Variants in PARD3B observed in about 807,000 individuals in gnomAD.
The protein encoded by PARD3B is partitioning defective 3 homolog B.
Under a neutral mutation model 130.2 loss-of-function variants are expected in PARD3B, and 103 were observed. That is an observed-to-expected ratio of 0.79 (90% CI 0.67 to 0.93). PARD3B has a LOEUF of 0.93. Among genes scored for constraint, PARD3B ranks in the 40% least tolerant of loss-of-function variants. The pLI, the probability that PARD3B is intolerant of heterozygous loss-of-function variation, is 0.00. For synonymous variants in PARD3B, 583 were observed against 553.2 expected (o/e 1.05, Z -0.76); for missense variants, 1,609 against 1,499.2 (o/e 1.07, Z -1.21).
intron 11 of PARD3B, among the ~76,000 whole-genome samples, chr2:205,162,583 C>A (rs1188884109): frequency 6.6e-6 from 1 of 152,238 alleles, no homozygotes. Flanking sequence ...ATACTAAATA[C>A]AAGCATATAT....
intron 10 of PARD3B, among the ~76,000 whole-genome samples, chr2:205,156,218 C>T (rs566114698): frequency 8.1e-4 from 104 of 129,160 alleles, no homozygotes; most frequent in African/African-American, 3.0e-3. Flanking sequence ...ACAATGAGAA[C>T]ACATGGACAC....
chr2:205,217,765 G>T (rs7561723), intron 15 of PARD3B, among the ~76,000 whole-genome samples: 122,202 of 147,512 alleles, frequency 0.83, 51,161 homozygotes, highest in East Asian at 0.95. Flanking sequence ...TATGTGTGTA[G>T]ATAAGTATAT....
intron 1 of PARD3B, among the ~76,000 whole-genome samples, chr2:204,654,930 G>T (rs2035594362): frequency 6.6e-6 from 1 of 152,076 alleles, no homozygotes; most frequent in African/African-American, 2.4e-5. Flanking sequence ...TTGAGAGCAG[G>T]ACTCTTTGAG....
chr2:204,568,685 T>G (rs987448172), intron 1 of PARD3B, among the ~76,000 whole-genome samples: 1 of 152,220 alleles, frequency 6.6e-6, no homozygotes, highest in Non-Finnish European at 1.5e-5. Context: ...CTGGTTTCGG[T>G]GGCTGACACC....
chr2:205,564,031 T>A lies in PARD3B; in HGVS notation c.3260+10628T>A, dbSNP rs2053234526. On this transcript the variant is annotated intron_variant, in intron 22 of 22. Coordinates refer to ENST00000406610, the MANE Select transcript of PARD3B (RefSeq NM_001302769.2). This position sits in a 1 kb window ranked among gnomAD's most constrained non-coding sequence, Gnocchi z 4.6. ...TCACCTCATTTATTTCCTGTAACAA[T>A]CCTGATATAAATATTATCATCCCTA... is the stretch of plus-strand genomic sequence containing the variant. Among the ~76,000 whole-genome samples the A allele has an allele frequency of 6.6e-6, 1 of 152,216 alleles. No homozygotes were observed. Among genetic ancestry groups the A allele is most frequent in the South Asian group, 2.1e-4 (1 of 4,826 alleles).
In PARD3B at chr2:205,159,814, C is replaced by T. The variant is rs543563086; in HGVS notation, c.1620+907C>T. Among the ~76,000 whole-genome samples the T allele has an allele frequency of 2.0e-5, 3 of 152,294 alleles. No individual in the cohort carries two copies. In the East Asian group the frequency reaches 5.8e-4, roughly 29 times the overall value. ...GGTAAGCTGCTCAGCCTTGACATGC[C>T]TCAGTTTCCTCATTTGTGAAATTAG... On this transcript the variant is annotated intron_variant, in intron 11 of 22. Transcript: ENST00000406610.
At chr2:204,855,343 G>C (rs1459186743) in intron 2 of PARD3B, among the ~76,000 whole-genome samples, 1 of 151,972 alleles carries the variant, frequency 6.6e-6, no homozygotes, top group Non-Finnish European at 1.5e-5. Context: ...AAGAGATTGA[G>C]ACCATCCTGG....
chr2:204,965,747 A>C (rs1027111735), intron 3 of PARD3B, among the ~76,000 whole-genome samples: 6 of 152,064 alleles, frequency 3.9e-5, no homozygotes, highest in Non-Finnish European at 5.9e-5. Flanking sequence ...AATCTGGGGG[A>C]AATGTTTTGA....
intron 22 of PARD3B, among the ~76,000 whole-genome samples, chr2:205,555,512 G>A (rs762433174): frequency 5.9e-5 from 9 of 152,196 alleles, no homozygotes; most frequent in Non-Finnish European, 1.2e-4. Context: ...CTCTAAACAA[G>A]TATATTTTAG....
chr2:204,945,277 G>A (rs1689224349), intron 2 of PARD3B, among the ~76,000 whole-genome samples: 1 of 152,128 alleles, frequency 6.6e-6, no homozygotes. Flanking sequence ...GGAGGGTGAT[G>A]GACTAGAAAA....
chr2:204,624,035 A>G (rs1235854262), intron 1 of PARD3B, among the ~76,000 whole-genome samples: 1 of 152,148 alleles, frequency 6.6e-6, no homozygotes, highest in Non-Finnish European at 1.5e-5. Flanking sequence ...TTCTTTATTC[A>G]TTCATCTGTT....
At chr2:205,255,699 A>G (rs1392381730) in intron 16 of PARD3B, among the ~76,000 whole-genome samples, 1 of 152,168 alleles carries the variant, frequency 6.6e-6, no homozygotes, top group East Asian at 1.9e-4. Flanking sequence ...CATTTATTAT[A>G]AAGAACATTG....
At chr2:204,629,613 G>A (rs1452924951) in intron 1 of PARD3B, among the ~76,000 whole-genome samples, 1 of 151,806 alleles carries the variant, frequency 6.6e-6, no homozygotes, top group Non-Finnish European at 1.5e-5. Context: ...TACAGCTATA[G>A]TAACCATAGT....
chr2:205,480,151 C>T (rs1004907530), intron 20 of PARD3B, among the ~76,000 whole-genome samples: 5 of 152,082 alleles, frequency 3.3e-5, no homozygotes, highest in Non-Finnish European at 5.9e-5. Flanking sequence ...ATGATCCACC[C>T]GCCTCGGCCT....
chr2:204,658,967 T>C (rs1436035359), intron 1 of PARD3B, among the ~76,000 whole-genome samples: 1 of 152,172 alleles, frequency 6.6e-6, no homozygotes, highest in African/African-American at 2.4e-5. Context: ...TTCCATTTCT[T>C]TGGAGGTCTA....
At chr2:205,248,229 C>A (rs2039653770) in intron 16 of PARD3B, among the ~76,000 whole-genome samples, 1 of 152,060 alleles carries the variant, frequency 6.6e-6, no homozygotes, top group African/African-American at 2.4e-5. Context: ...AGGTATGAAC[C>A]ACAGAGCCTG....
Position 204,906,208 on chromosome 2 carries a change from C to T in PARD3B, c.223-58944C>T, listed in dbSNP as rs2047037165. On this transcript the variant is annotated intron_variant, in intron 2 of 22. Coordinates refer to ENST00000406610, the MANE Select transcript of PARD3B (RefSeq NM_001302769.2). This position sits in a 1 kb window ranked among gnomAD's most constrained non-coding sequence, Gnocchi z 4.3. ...AGTAATTATTTAGAAGTCATGGTAA[C>T]TATTTGTCAAAAAGTAAAATGAACC... 6.6e-6 allele frequency among the ~76,000 whole-genome samples: 1 copy of T among 152,180 alleles called. No homozygotes were observed. Among genetic ancestry groups the T allele is most frequent in the African/African-American group, 2.4e-5 (1 of 41,442 alleles).
At chr2:205,210,644 T>G (rs190634787) in intron 15 of PARD3B, among the ~76,000 whole-genome samples, 10 of 152,248 alleles carry the variant, frequency 6.6e-5, no homozygotes, top group Admixed American at 5.2e-4. Flanking sequence ...AGGCTTTTGA[T>G]TCATATGACC....
rs1409657335 is a variant in PARD3B at position 204,890,802 on chromosome 2, G to A, written c.223-74350G>A. ...CCTCACTCATTTTTATTAAGTGATA[G>A]CACGTTTCACTGCAGCTACTACAGC... On this transcript the variant is annotated intron_variant, in intron 2 of 22. Transcript: ENST00000406610. The surrounding 1 kb of genome is among the most constrained non-coding windows in gnomAD (Gnocchi z 4.9). Among the ~76,000 whole-genome samples, 1 of 152,200 alleles carries A rather than the reference G, an allele frequency of 6.6e-6. No homozygotes were observed. The highest frequency in any genetic ancestry group is 6.5e-5 in the Admixed American group (1 of 15,284).
Sources: allele counts gnomAD v4.1 joint callset (sites outside exome capture counted in the v4.1 genomes callset), GRCh38; gene constraint gnomAD v4.1.1; non-coding constraint Gnocchi (gnomAD v3.1); transcripts MANE v1.5; gene names NCBI Gene and HGNC (gene_info 2026-07-23, HGNC 2026-07-21).